Variants in GPC6 observed in about 807,000 individuals in gnomAD.
GPC6 encodes glypican-6.
In GPC6, 14 loss-of-function variants were observed where a neutral mutation model predicts 55.2. The observed-to-expected ratio is 0.25, with a 90% CI of 0.17 to 0.40. GPC6 has a LOEUF of 0.40. Among genes scored for constraint, GPC6 ranks in the 10% least tolerant of loss-of-function variants. The pLI is 1.00. For missense variants in GPC6, 641 were observed against 708.5 expected, an observed-to-expected ratio of 0.90 and a Z score of 1.08; for synonymous variants, 278 against 259.6, an observed-to-expected ratio of 1.07 and a Z score of -0.68.
chr13:93,425,916 C>G (rs552729186), intron 1 of GPC6, among the ~76,000 whole-genome samples: 2 of 152,154 alleles, frequency 1.3e-5, no homozygotes, highest in African/African-American at 4.8e-5. Context: ...CTGCAGCCCA[C>G]GGCTTTATTT....
intron 1 of GPC6, among the ~76,000 whole-genome samples, chr13:93,460,958 T>C (rs956515502): frequency 6.6e-6 from 1 of 152,202 alleles, no homozygotes; most frequent in African/African-American, 2.4e-5. Flanking sequence ...ATTAGTTGTA[T>C]AGAAAACTTT....
At chr13:93,869,916 G>A (rs992930416) in intron 3 of GPC6, among the ~76,000 whole-genome samples, 9 of 151,834 alleles carry the variant, frequency 5.9e-5, no homozygotes, top group African/African-American at 2.2e-4. Flanking sequence ...TTTTTCAAAA[G>A]AGGACCACTG....
intron 1 of GPC6, among the ~76,000 whole-genome samples, chr13:93,258,043 G>T (rs1000736508): frequency 6.6e-6 from 1 of 152,122 alleles, no homozygotes; most frequent in African/African-American, 2.4e-5. Flanking sequence ...GTAAAACTTT[G>T]TAGTATTACA....
intron 1 of GPC6, among the ~76,000 whole-genome samples, chr13:93,488,411 A>G (rs1425713964): frequency 6.6e-6 from 1 of 152,204 alleles, no homozygotes; most frequent in African/African-American, 2.4e-5. Context: ...GCTATTGTGA[A>G]TAGTGCTGCA....
intron 3 of GPC6, among the ~76,000 whole-genome samples, chr13:93,987,109 T>C (rs1264135046): frequency 6.6e-6 from 1 of 152,176 alleles, no homozygotes; most frequent in African/African-American, 2.4e-5. Context: ...ATACGCTCTC[T>C]CATGAGAATG....
chr13:93,645,133 C>T (rs1186038229), intron 2 of GPC6, among the ~76,000 whole-genome samples: 2 of 152,066 alleles, frequency 1.3e-5, no homozygotes, highest in Non-Finnish European at 2.9e-5. Context: ...CCTGGCCGTC[C>T]TGCAAGGACC....
At chr13:93,684,508 T>C (rs1881970844) in intron 2 of GPC6, among the ~76,000 whole-genome samples, 1 of 152,102 alleles carries the variant, frequency 6.6e-6, no homozygotes, top group South Asian at 2.1e-4. Context: ...TTAAATGTGT[T>C]ACACAAAACT....
chr13:93,760,028 A>AAC lies in GPC6; in HGVS notation c.320-70125_320-70124insCA, dbSNP rs1184476397. Among the ~76,000 whole-genome samples the AAC allele has an allele frequency of 7.3e-5, 11 of 150,852 alleles. 1 individual carries two copies. In the South Asian group the frequency reaches 1.5e-3, roughly 20 times the overall value. ...AAGGAAAAAAATGCTGAGAAAACAA[A>AAC]AAAAAAAATCGTGAATAACAGGGGC... On this transcript the variant is annotated intron_variant, in intron 2 of 8. Coordinates refer to ENST00000377047, the MANE Select transcript of GPC6 (RefSeq NM_005708.5).
chr13:93,496,883 A>G (rs1355022549), intron 1 of GPC6, among the ~76,000 whole-genome samples: 6 of 152,252 alleles, frequency 3.9e-5, no homozygotes. Flanking sequence ...TAAACATAAT[A>G]TATACAAGAT....
chr13:94,132,508 G>C (rs1176726483), intron 4 of GPC6, among the ~76,000 whole-genome samples: 1 of 152,116 alleles, frequency 6.6e-6, no homozygotes, highest in Non-Finnish European at 1.5e-5. Flanking sequence ...CTGTGGACTT[G>C]TTTTCTGTAT....
chr13:94,207,532 T>C (rs1478009236), intron 4 of GPC6, among the ~76,000 whole-genome samples: 1 of 152,222 alleles, frequency 6.6e-6, no homozygotes, highest in African/African-American at 2.4e-5. Flanking sequence ...AAGTGGACTA[T>C]GACAAGTGGC....
At chr13:94,300,666 C>T (rs1039541822) in intron 5 of GPC6, among the ~76,000 whole-genome samples, 1 of 152,200 alleles carries the variant, frequency 6.6e-6, no homozygotes, top group African/African-American at 2.4e-5. Context: ...CATCTGTCTG[C>T]ATTGAAGCTT....
intron 4 of GPC6, among the ~76,000 whole-genome samples, chr13:94,133,267 C>CAAAAAAAA (rs66499161): frequency 6.2e-4 from 53 of 85,086 alleles, no homozygotes; most frequent in African/African-American, 2.3e-3. Context: ...TGACCAGTGA[C>CAAAAAAAA]AAAAAAAAAA....
intron 2 of GPC6, among the ~76,000 whole-genome samples, chr13:93,776,316 C>G (rs1885466299): frequency 6.6e-6 from 1 of 152,156 alleles, no homozygotes; most frequent in Non-Finnish European, 1.5e-5. Context: ...ACTTTAACAA[C>G]AGCTCTGAAA....
intron 4 of GPC6, among the ~76,000 whole-genome samples, chr13:94,254,687 CAT>C (rs1241987242): frequency 6.6e-6 from 1 of 151,574 alleles, no homozygotes; most frequent in Non-Finnish European, 1.5e-5. Context: ...GAAAAAAAAA[CAT>C]GTAATTTGAA....
At chr13:94,070,077 G>T (rs1175045109) in intron 4 of GPC6, among the ~76,000 whole-genome samples, 1 of 152,190 alleles carries the variant, frequency 6.6e-6, no homozygotes, top group Non-Finnish European at 1.5e-5. Context: ...AAAAGAAAGA[G>T]ATTTAATGCA....
chr13:94,068,437 A>T (rs1428249711), intron 4 of GPC6, among the ~76,000 whole-genome samples: 1 of 152,032 alleles, frequency 6.6e-6, no homozygotes, highest in Non-Finnish European at 1.5e-5. Context: ...ATATCATTCC[A>T]CCCCTGGCTC....
chr13:93,445,824 G>A (rs1276204912), intron 1 of GPC6, among the ~76,000 whole-genome samples: 2 of 152,118 alleles, frequency 1.3e-5, no homozygotes, highest in African/African-American at 4.8e-5. Flanking sequence ...TGAATGTCAG[G>A]AATTTTATTT....
At chr13:93,752,628 C>T (rs1316232025) in intron 2 of GPC6, among the ~76,000 whole-genome samples, 1 of 152,022 alleles carries the variant, frequency 6.6e-6, no homozygotes, top group Non-Finnish European at 1.5e-5. Flanking sequence ...TAGTAGTCTG[C>T]CTGTTACAGA....
Sources: gnomAD v4.1 joint callset for allele counts (sites outside exome capture counted in the v4.1 genomes callset) on GRCh38, gnomAD v4.1.1 for gene constraint, MANE v1.5 for transcripts, NCBI Gene and HGNC (gene_info 2026-07-23, HGNC 2026-07-21) for gene names.